PEAK1: variants seen among roughly 807,000 people sequenced by gnomAD.
The protein encoded by PEAK1 is pseudopodium enriched atypical kinase 1, also known as inactive tyrosine-protein kinase PEAK1.
In PEAK1, 54 loss-of-function variants were observed where a neutral mutation model predicts 124.7. The observed-to-expected ratio is 0.43, with a 90% CI of 0.35 to 0.54. The LOEUF is 0.54. Ranked by LOEUF, PEAK1 falls within the 20% of genes least tolerant of loss-of-function variation. The probability of loss-of-function intolerance (pLI) is 0.01; values close to 1 mark genes in which losing one functional copy is unlikely to be tolerated. For synonymous variants in PEAK1, 719 were observed against 760.0 expected, an observed-to-expected ratio of 0.95 and a Z score of 0.89; for missense variants, 2,046 against 2,134.5, an observed-to-expected ratio of 0.96 and a Z score of 0.82.
intron 8 of PEAK1, among the ~76,000 whole-genome samples, chr15:77,154,203 T>C (rs1456782543): frequency 1.3e-5 from 2 of 152,176 alleles, no homozygotes; most frequent in African/African-American, 2.4e-5. Flanking sequence ...GGATAGTTAG[T>C]TCTTATTTTT....
At chr15:77,318,434 T>C (rs954433201) in intron 2 of PEAK1, among the ~76,000 whole-genome samples, 1 of 152,208 alleles carries the variant, frequency 6.6e-6, no homozygotes, top group South Asian at 2.1e-4. Flanking sequence ...AAACCCCTTA[T>C]ATTAGGGTTT....
At chr15:77,291,885 G>C (rs568463005) in intron 2 of PEAK1, among the ~76,000 whole-genome samples, 2 of 151,084 alleles carry the variant, frequency 1.3e-5, no homozygotes, top group Non-Finnish European at 2.9e-5. Flanking sequence ...GCTGAGGCAG[G>C]AGAATGGCGT....
At chr15:77,248,493 C>G (rs2060696068) in intron 6 of PEAK1, among the ~76,000 whole-genome samples, 1 of 152,124 alleles carries the variant, frequency 6.6e-6, no homozygotes, top group Admixed American at 6.6e-5. Flanking sequence ...GTGATTATAT[C>G]CTGAGGACAG....
chr15:77,335,571 T>C lies in PEAK1; in HGVS notation c.-603+29592A>G, dbSNP rs2066148732. On this transcript the variant is annotated intron_variant, in intron 2 of 9. Transcript: ENST00000682557. ...CATAGCTCACTGCAGCCATGAAGTCTGGGCTTAAGCGAACCGCCTGACACA... is the reference window on the plus strand; with the variant it reads ...CATAGCTCACTGCAGCCATGAAGTCCGGGCTTAAGCGAACCGCCTGACACA... The C allele has an allele frequency of 4.5e-6, 4 of 891,090 alleles. No homozygotes were observed. In the Admixed American group the frequency reaches 1.9e-4, roughly 41 times the overall value. The allele number at this position is 891,090 out of a possible 1,614,324, so 55.2% of individuals were successfully genotyped here.
chr15:77,389,579 G>T (rs1288429531), intron 1 of PEAK1, among the ~76,000 whole-genome samples: 1 of 152,140 alleles, frequency 6.6e-6, no homozygotes, highest in Non-Finnish European at 1.5e-5. Flanking sequence ...TATCTTAGAG[G>T]CCATTTCAGA....
intron 7 of PEAK1, among the ~76,000 whole-genome samples, chr15:77,160,479 C>T (rs1450789955): frequency 6.6e-6 from 1 of 151,986 alleles, no homozygotes; most frequent in East Asian, 1.9e-4. Flanking sequence ...AGATGGAGAC[C>T]ATCCTGGCCA....
intron 5 of PEAK1, among the ~76,000 whole-genome samples, chr15:77,279,678 A>C (rs1470599931): frequency 2.0e-5 from 3 of 152,166 alleles, no homozygotes; most frequent in African/African-American, 7.2e-5. Flanking sequence ...TCACATGAAG[A>C]CTTCACTGGG....
chr15:77,159,085 G>A (rs2055404791), intron 7 of PEAK1, among the ~76,000 whole-genome samples: 1 of 152,054 alleles, frequency 6.6e-6, no homozygotes, highest in Non-Finnish European at 1.5e-5. Context: ...TAATACTATG[G>A]TAAATATCAA....
At chr15:77,260,202 G>A (rs951759965) in intron 5 of PEAK1, among the ~76,000 whole-genome samples, 34 of 152,104 alleles carry the variant, frequency 2.2e-4, no homozygotes, top group African/African-American at 7.2e-4. Context: ...TAGAATAAAG[G>A]CCACTCTAGA....
In PEAK1 at chr15:77,348,323, C is replaced by A. The variant is rs564918663; in HGVS notation, c.-603+16840G>T. ...ATGAGTCTCATGCCACCTACTCTTA[C>A]AAGATTGATAGGAATATTAAATAAA... On this transcript the variant is annotated intron_variant, in intron 2 of 9. Transcript: ENST00000682557. The A allele has an allele frequency of 2.7e-5, 24 of 877,358 alleles. No individual in the cohort carries two copies. In the East Asian group the frequency reaches 2.2e-3, roughly 80 times the overall value. 54.3% of individuals were successfully genotyped at this position (877,358 alleles called of 1,614,324 possible).
intron 5 of PEAK1, among the ~76,000 whole-genome samples, chr15:77,267,605 C>A (rs1249781774): frequency 6.6e-6 from 1 of 152,106 alleles, no homozygotes; most frequent in Non-Finnish European, 1.5e-5. Flanking sequence ...AGATCCAGAA[C>A]AGAAATAACA....
intron 6 of PEAK1, among the ~76,000 whole-genome samples, chr15:77,246,563 T>A (rs1053642139): frequency 6.6e-6 from 1 of 152,086 alleles, no homozygotes; most frequent in Non-Finnish European, 1.5e-5. Flanking sequence ...TTGAGCACAA[T>A]ATCTCTTTAC....
intron 5 of PEAK1, among the ~76,000 whole-genome samples, chr15:77,268,021 C>A (rs77057910): frequency 6.6e-6 from 1 of 152,070 alleles, no homozygotes; most frequent in African/African-American, 2.4e-5. Context: ...AAAAACTAAT[C>A]ACAACTTCTG....
At chr15:77,146,227 T>A (rs1474728620) in intron 8 of PEAK1, among the ~76,000 whole-genome samples, 1 of 152,104 alleles carries the variant, frequency 6.6e-6, no homozygotes, top group Non-Finnish European at 1.5e-5. Context: ...ATCAGCAGCT[T>A]AGGAGGAAGG....
intron 2 of PEAK1, among the ~76,000 whole-genome samples, chr15:77,295,211 T>C (rs374775183): frequency 1.3e-5 from 2 of 152,168 alleles, no homozygotes; most frequent in East Asian, 3.8e-4. Flanking sequence ...ACTAGTTCTA[T>C]AAATGATAAC....
chr15:77,372,350 A>G (rs970537090), intron 1 of PEAK1, among the ~76,000 whole-genome samples: 1 of 152,244 alleles, frequency 6.6e-6, no homozygotes, highest in Admixed American at 6.5e-5. Flanking sequence ...CCAGCAATTT[A>G]CTGCATTTTC....
At chr15:77,271,774 C>T (rs150670726) in intron 5 of PEAK1, among the ~76,000 whole-genome samples, 1,691 of 152,162 alleles carry the variant, frequency 0.011, 40 homozygotes, top group African/African-American at 0.039. Context: ...CACACTGCGG[C>T]CTGTTGTGGG....
At chr15:77,239,726 T>C (rs12901861) in intron 6 of PEAK1, 61,524 of 593,260 alleles carry the variant, frequency 0.1, 3,407 homozygotes, top group Non-Finnish European at 0.11. Context: ...TTACCAGATT[T>C]ACAAACTGAG....
intron 2 of PEAK1, among the ~76,000 whole-genome samples, chr15:77,315,997 G>T (rs1330891840): frequency 2.0e-5 from 3 of 152,070 alleles, no homozygotes; most frequent in Non-Finnish European, 4.4e-5. Context: ...ACCATAAGAT[G>T]TTAATAAATA....
Sources: allele counts gnomAD v4.1 joint callset (sites outside exome capture counted in the v4.1 genomes callset), GRCh38; gene constraint gnomAD v4.1.1; transcripts MANE v1.5; gene names NCBI Gene and HGNC (gene_info 2026-07-23, HGNC 2026-07-21).